CUX1: variants seen among roughly 807,000 people sequenced by gnomAD.
CUX1 encodes the protein cut like homeobox 1.
CUX1 carries 31 observed loss-of-function variants against 158.8 expected under a neutral mutation model. The ratio of observed to expected loss-of-function variants is 0.20; its 90% CI spans 0.15 to 0.26. The LOEUF (loss-of-function observed/expected upper bound fraction) is 0.26. CUX1 is among the 10% of genes least tolerant of loss of function. CUX1 has a pLI of 1.00. For synonymous variants in CUX1, 879 were observed against 862.1 expected (o/e 1.02, Z -0.34); for missense variants, 1,589 against 2,014.6 (o/e 0.79, Z 4.04).
chr7:101,928,284 A>G (rs1029577407), intron 2 of CUX1, among the ~76,000 whole-genome samples: 1 of 152,084 alleles, frequency 6.6e-6, no homozygotes, highest in African/African-American at 2.4e-5. Context: ...CACCAAGTAG[A>G]AGGTCAATAA....
At chr7:101,966,987 T>C (rs1811302992) in intron 2 of CUX1, among the ~76,000 whole-genome samples, 1 of 152,104 alleles carries the variant, frequency 6.6e-6, no homozygotes, top group African/African-American at 2.4e-5. Context: ...TGCAGAGGGA[T>C]CATTTGGAAT....
At chr7:102,065,611 A>T (rs1231641193) in intron 3 of CUX1, among the ~76,000 whole-genome samples, 5 of 152,168 alleles carry the variant, frequency 3.3e-5, no homozygotes, top group Admixed American at 3.3e-4. Flanking sequence ...CATTAAACTC[A>T]TCGGCCTGAC....
intron 2 of CUX1, among the ~76,000 whole-genome samples, chr7:101,981,176 G>T (rs560861712): frequency 2.3e-4 from 35 of 152,070 alleles, no homozygotes; most frequent in African/African-American, 8.4e-4. Flanking sequence ...TCCTGAGCCA[G>T]TACTGTGTCC....
Position 102,253,519 on chromosome 7 carries a change from G to A in CUX1, c.*4477G>A, listed in dbSNP as rs1277285614. The A allele has an allele frequency of 1.0e-5, 10 of 985,342 alleles. No homozygotes were observed. The highest frequency in any genetic ancestry group is 1.1e-5 in the Non-Finnish European group (9 of 829,956). 61.0% of individuals were successfully genotyped at this position (985,342 alleles called of 1,614,324 possible). On this transcript the variant is annotated 3_prime_UTR_variant, in exon 24 of 24. Coordinates refer to ENST00000292535, the MANE Select transcript of CUX1 (RefSeq NM_181552.4). ...CATGCATGTCCTTTGATGCAAGGGT[G>A]ATCAATGAACTCTGTTGACATTCTA...
intron 7 of CUX1, among the ~76,000 whole-genome samples, chr7:102,112,982 G>A (rs201498): frequency 0.62 from 93,652 of 151,962 alleles, 30,415 homozygotes; most frequent in African/African-American, 0.77. Flanking sequence ...CACAAATGAC[G>A]AGAGTGGGAG....
chr7:102,185,347 C>G (rs1366090837), intron 11 of CUX1, among the ~76,000 whole-genome samples: 1 of 151,986 alleles, frequency 6.6e-6, no homozygotes, highest in Non-Finnish European at 1.5e-5. Flanking sequence ...AAACATGATC[C>G]CCATTTTATA....
intron 4 of CUX1, among the ~76,000 whole-genome samples, chr7:102,072,368 A>G (rs887248621): frequency 6.6e-6 from 1 of 152,210 alleles, no homozygotes; most frequent in African/African-American, 2.4e-5. Context: ...TATAAAGGTC[A>G]CACTCCTATG....
At chr7:101,942,467 A>G (rs575058866) in intron 2 of CUX1, among the ~76,000 whole-genome samples, 1 of 152,220 alleles carries the variant, frequency 6.6e-6, no homozygotes, top group African/African-American at 2.4e-5. Context: ...TAAGAAAGAA[A>G]TTTTGTTGAT....
intron 2 of CUX1, among the ~76,000 whole-genome samples, chr7:101,969,359 CA>C (rs10711703): frequency 0.55 from 31,211 of 56,674 alleles, 6,969 homozygotes; most frequent in Middle Eastern, 0.64. Flanking sequence ...CAAAAAACAG[CA>C]AAAAAAAAAA....
chr7:102,216,580 TCTCCCACACACACA>T (rs1275131343), intron 20 of CUX1, among the ~76,000 whole-genome samples: 12 of 11,904 alleles, frequency 1.0e-3, no homozygotes, highest in Non-Finnish European at 1.9e-3. Flanking sequence ...ACACACACAC[TCTCCCACACACACA>T]CTCCCACACA....
chr7:101,980,043 G>A (rs1036409386), intron 2 of CUX1, among the ~76,000 whole-genome samples: 19 of 152,216 alleles, frequency 1.2e-4, no homozygotes, highest in African/African-American at 4.1e-4. Flanking sequence ...GACAGAGTGC[G>A]GAGAGCGGGG....
In CUX1 at chr7:102,234,168, C is replaced by T; in HGVS notation, c.3550C>T (p.Arg1184Trp). ...LSLKGREPFV[R>W]MQLWLNDPNN... ...TCTGAAAGGACGAGAGCCCTTCGTC[C>T]GGATGCAGCTGTGGCTGAACGACCC... is the stretch of plus-strand genomic sequence containing the variant. Residue 1184 changes from arginine to tryptophan, a missense_variant, in exon 22 of 24, where the codon CGG (arginine) becomes TGG (tryptophan). Arg to Trp is a moderately radical substitution (Grantham distance 101). Transcript: ENST00000292535. 2 of 1,599,930 alleles carry T rather than the reference C, an allele frequency of 1.3e-6. No homozygotes were observed. The highest frequency in any genetic ancestry group is 1.7e-6 in the Non-Finnish European group (2 of 1,174,106).
intron 8 of CUX1, among the ~76,000 whole-genome samples, chr7:102,134,837 C>T (rs1195244716): frequency 1.3e-5 from 2 of 152,116 alleles, no homozygotes; most frequent in Non-Finnish European, 2.9e-5. Flanking sequence ...CTCAAGCGAT[C>T]CTCCCACCTC....
intron 1 of CUX1, among the ~76,000 whole-genome samples, chr7:101,879,566 G>A (rs1420769664): frequency 6.6e-6 from 1 of 152,138 alleles, no homozygotes; most frequent in African/African-American, 2.4e-5. Flanking sequence ...AGTTGTCTTC[G>A]GCCTTCTGGG....
Position 102,256,141 on chromosome 7 carries a change from T to G in CUX1, c.*7099T>G, listed in dbSNP as rs116573930. 1.9e-3 allele frequency: 1,872 copies of G among 985,442 alleles called. 4 individuals carry two copies. The highest frequency in any genetic ancestry group is 2.1e-3 in the Non-Finnish European group (1,776 of 829,948). 61.0% of individuals were successfully genotyped at this position (985,442 alleles called of 1,614,324 possible). A position where few individuals can be genotyped will look rare whatever the true frequency, so the allele number is the denominator to read the frequency against. ...GCCCGCGGGCTCTGGCCGGAGCCGC[T>G]GGCCTGACGAGGCAGGATAGGGAGT... is the stretch of plus-strand genomic sequence containing the variant. On this transcript the variant is annotated 3_prime_UTR_variant, in exon 24 of 24. Coordinates refer to ENST00000292535, the MANE Select transcript of CUX1 (RefSeq NM_181552.4).
At chr7:102,258,313 A>AC (rs2132719662), downstream of CUX1, 1 of 500,812 alleles carries the variant, frequency 2.0e-6, no homozygotes, top group African/African-American at 2.1e-5. Context: ...TCCAAAGGGC[A>AC]CCTCAAGAAT....
intron 3 of CUX1, among the ~76,000 whole-genome samples, chr7:102,029,869 G>A (rs903865456): frequency 1.3e-5 from 2 of 152,126 alleles, no homozygotes; most frequent in East Asian, 1.9e-4. Context: ...CCTGTCCAGC[G>A]GCTTTTGGGA....
At chr7:102,247,965 T>C (rs1405697955) in intron 23 of CUX1, among the ~76,000 whole-genome samples, 1 of 152,124 alleles carries the variant, frequency 6.6e-6, no homozygotes, top group Admixed American at 6.5e-5. Context: ...ACCCCATCTC[T>C]TCTAAAAATG....
chr7:101,915,181 C>T (rs906902439), intron 1 of CUX1, among the ~76,000 whole-genome samples: 6 of 152,128 alleles, frequency 3.9e-5, no homozygotes, highest in Admixed American at 1.3e-4. Flanking sequence ...CTTTTGGTGG[C>T]GACAGCAGTG....
Sources: gnomAD v4.1 joint callset for allele counts (sites outside exome capture counted in the v4.1 genomes callset) on GRCh38, gnomAD v4.1.1 for gene constraint, MANE v1.5 for transcripts, NCBI Gene and HGNC (gene_info 2026-07-23, HGNC 2026-07-21) for gene names.